The following LDLRAD2 variants were observed in gnomAD, a reference collection of about 807,000 sequenced individuals.
LDLRAD2 encodes low density lipoprotein receptor class A domain containing 2.
A neutral mutation model predicts 24.9 loss-of-function variants in LDLRAD2; 25 were observed. The ratio of observed to expected loss-of-function variants is 1.00; its 90% CI spans 0.73 to 1.40. The LOEUF (loss-of-function observed/expected upper bound fraction) is 1.40, where lower values mean the gene tolerates loss of function less well. Among genes scored for constraint, LDLRAD2 ranks in the 40% most tolerant of loss-of-function variants. LDLRAD2 has a pLI of 0.00. For synonymous variants in LDLRAD2, 182 were observed against 166.7 expected, an observed-to-expected ratio of 1.09 and a Z score of -0.71; for missense variants, 391 against 366.2, an observed-to-expected ratio of 1.07 and a Z score of -0.55.
rs778001149 is a variant in LDLRAD2, at chr1:21,814,439, G to T, written c.127G>T (p.Gly43Trp). The T allele has an allele frequency of 2.5e-6, 4 of 1,609,134 alleles. No individual in the cohort carries two copies. The highest frequency in any genetic ancestry group is 2.2e-5 in the South Asian group (2 of 90,814). Residue 43 changes from glycine to tryptophan, a missense_variant, in exon 2 of 5, where the codon GGG (glycine) becomes TGG (tryptophan). Physicochemically the swap from Gly to Trp is radical, Grantham distance 184 (BLOSUM62 -2). Transcript: ENST00000344642. Reference protein sequence around the residue: ...ELCGQTWQGDGLLLRSHAASR... With the variant: ...ELCGQTWQGDWLLLRSHAASR... ...GTGCGGGCAGACGTGGCAGGGGGAC[G>T]GGCTGCTGCTGCGCTCGCACGCCGC...
Position 21,814,471 on chromosome 1 carries a change from C to T in LDLRAD2, c.159C>T (p.Arg53=), listed in dbSNP as rs571894864. ...TGCTGCGCTCGCACGCCGCATCGCG[C>T]AGGTTCTACTTCGTGGCTCCGGACA... ...GLLLRSHAAS[R]RFYFVAPDTD... The change falls in exon 2 of 5, where the codon CGC becomes CGT. Residue 53 remains arginine (R), a synonymous_variant. Transcript: ENST00000344642. The T allele has an allele frequency of 2.5e-6, 4 of 1,612,112 alleles. No homozygotes were observed. The East Asian group carries it at 6.7e-5, about 27-fold the overall frequency.
Position 21,822,558 on chromosome 1 carries a change from GGGTGGGCGGGGCCC to G in LDLRAD2, c.*358_*371del, listed in dbSNP as rs1023218669. 1.8e-3 allele frequency: 637 copies of G among 357,620 alleles called. 4 individuals carry two copies. Among genetic ancestry groups the G allele is most frequent in the African/African-American group, 8.5e-3 (410 of 48,238 alleles). The allele number at this position is 357,620 out of a possible 1,614,324, so 22.2% of individuals were successfully genotyped here. On this transcript the variant is annotated 3_prime_UTR_variant, in exon 5 of 5. Transcript: ENST00000344642. Reference sequence around the variant, plus strand: ...TCCAGATGGGTGGGGATGTGGCCTGGGGTGGGCGGGGCCCGGTGGGCGGGGCCCTATCAGTGCTG... The same window carrying G: ...TCCAGATGGGTGGGGATGTGGCCTGGGGTGGGCGGGGCCCTATCAGTGCTG...
intron 1 of LDLRAD2, 27 bp downstream of exon 1, chr1:21,812,563 C>T: frequency 1.3e-6 from 2 of 1,594,596 alleles, no homozygotes; most frequent in East Asian, 2.2e-5. Context: ...TTGGTTGGGG[C>T]ACCCAGAAGA....
At position 21,822,361 on chromosome 1, in the gene LDLRAD2, G is replaced by A; in HGVS notation, c.*146G>A. The A allele has an allele frequency of 1.3e-6, 1 of 769,672 alleles. No homozygotes were observed. The highest frequency in any genetic ancestry group is 2.2e-6 in the Non-Finnish European group (1 of 454,718). 47.7% of individuals were successfully genotyped at this position (769,672 alleles called of 1,614,324 possible). A position where few individuals can be genotyped will look rare whatever the true frequency, so the allele number is the denominator to read the frequency against. On this transcript the variant is annotated 3_prime_UTR_variant, in exon 5 of 5. Coordinates refer to ENST00000344642, the MANE Select transcript of LDLRAD2 (RefSeq NM_001013693.3). ...CAGTCTGGGGGCCACTGGCAGGATGGCACTTGAGCTGGATCTTCAGGCTCC... is the reference window on the plus strand; with the variant it reads ...CAGTCTGGGGGCCACTGGCAGGATGACACTTGAGCTGGATCTTCAGGCTCC...
At chr1:21,816,763 C>T (rs1012886061) in intron 3 of LDLRAD2, among the ~76,000 whole-genome samples, 13 of 152,158 alleles carry the variant, frequency 8.5e-5, no homozygotes, top group Admixed American at 4.6e-4. Context: ...CCCCATCCCC[C>T]GCTCAGCCTT....
intron 1 of LDLRAD2, among the ~76,000 whole-genome samples, chr1:21,813,315 G>C (rs981543580): frequency 1.3e-5 from 2 of 151,970 alleles, no homozygotes; most frequent in Non-Finnish European, 2.9e-5. Flanking sequence ...AAAAAAAAAG[G>C]GTGCCCAATT....
At chr1:21,818,252 T>G (rs898812019) in intron 3 of LDLRAD2, among the ~76,000 whole-genome samples, 1 of 150,696 alleles carries the variant, frequency 6.6e-6, no homozygotes, top group Non-Finnish European at 1.5e-5. Context: ...CCTCAAGTGA[T>G]CCACCCGCCT....
At position 21,824,404 on chromosome 1, in the gene LDLRAD2, G is replaced by A. The variant is rs1052427636; in HGVS notation, c.*2189G>A. Reference sequence around the variant, plus strand: ...GCCAGGGAAGCACAGGGTCTCTGGGGTCCCCAGCCTGGAGAGCAGAGGCTG... The same window carrying A: ...GCCAGGGAAGCACAGGGTCTCTGGGATCCCCAGCCTGGAGAGCAGAGGCTG... On this transcript the variant is annotated 3_prime_UTR_variant, in exon 5 of 5. Coordinates refer to ENST00000344642, the MANE Select transcript of LDLRAD2 (RefSeq NM_001013693.3). This position sits in a 1 kb window ranked among gnomAD's most constrained non-coding sequence, Gnocchi z 5.9. The A allele has an allele frequency of 9.3e-6, 15 of 1,611,920 alleles. No individual in the cohort carries two copies. Among genetic ancestry groups the A allele is most frequent in the Non-Finnish European group, 1.3e-5 (15 of 1,178,588 alleles).
chr1:21,817,212 A>AC (rs1295774916), intron 3 of LDLRAD2, among the ~76,000 whole-genome samples: 2 of 151,988 alleles, frequency 1.3e-5, no homozygotes, highest in Admixed American at 6.6e-5. Flanking sequence ...CTGAGCCACC[A>AC]CCAGCTCTCG....
rs928349767 is a variant in LDLRAD2, at chr1:21,814,566, T to G, written c.254T>G (p.Leu85Arg). ...ATCCGCTTCCAGTTCCGCTTCTTCC[T>G]GGTCTACAGCCTGACCCCCGCGCCC... ...DRIRFQFRFF[L>R]VYSLTPAPPA... The change falls in exon 2 of 5, where the codon CTG becomes CGG. Residue 85 changes from leucine to arginine, a missense_variant. Transcript: ENST00000344642. 6 of 1,612,228 alleles carry G rather than the reference T, an allele frequency of 3.7e-6. No homozygotes were observed. In the African/African-American group the frequency reaches 6.7e-5, roughly 18 times the overall value.
At chr1:21,813,803 T>A (rs2097940854) in intron 1 of LDLRAD2, among the ~76,000 whole-genome samples, 1 of 151,920 alleles carries the variant, frequency 6.6e-6, no homozygotes, top group African/African-American at 2.4e-5. Context: ...GGACATCCCA[T>A]CCTCATCCTC....
Position 21,812,381 on chromosome 1 carries a change from C to T in LDLRAD2, c.-71C>T. On this transcript the variant is annotated 5_prime_UTR_variant, in exon 1 of 5. Transcript: ENST00000344642. ...TGCTGGCCTGACCAGGCCCCATACT[C>T]CAGTCTCCCCAGAGACCCCAAGCTG... 7.8e-7 allele frequency: 1 copy of T among 1,274,906 alleles called. No homozygotes were observed. The allele number at this position is 1,274,906 out of a possible 1,614,324, so 79.0% of individuals were successfully genotyped here.
chr1:21,812,468 T>C lies in LDLRAD2; in HGVS notation c.17T>C (p.Leu6Pro). The C allele has an allele frequency of 6.2e-7, 1 of 1,614,154 alleles. No individual in the cohort carries two copies. Among genetic ancestry groups the C allele is most frequent in the South Asian group, 1.1e-5 (1 of 91,068 alleles). Reference sequence around the variant, plus strand: ...AGAGCCTGGATGGAGGCTTGTTGTCTTCTGCAGTTGCCCCAAAGGTTGCTC... The same window carrying C: ...AGAGCCTGGATGGAGGCTTGTTGTCCTCTGCAGTTGCCCCAAAGGTTGCTC... MEACC[L>P]LQLPQRLLLL... Residue 6 changes from leucine (L) to proline (P), a missense_variant, in exon 1 of 5, where the codon CTT (leucine) becomes CCT (proline). Leu to Pro is a moderately conservative substitution (Grantham distance 98). Transcript: ENST00000344642.
chr1:21,814,234 C>T (rs773411147), intron 1 of LDLRAD2, among the ~76,000 whole-genome samples, 164 bp from the exon 2 acceptor site: 1 of 152,200 alleles, frequency 6.6e-6, no homozygotes, highest in Non-Finnish European at 1.5e-5. Context: ...ATCATTTAAT[C>T]CTTACAATCA....
chr1:21,823,380 G>A lies in LDLRAD2; in HGVS notation c.*1165G>A. 6.4e-7 allele frequency: 1 copy of A among 1,553,912 alleles called. No homozygotes were observed. Among genetic ancestry groups the A allele is most frequent in the South Asian group, 1.2e-5 (1 of 85,536 alleles). ...GCGGTGCTGCAGGTCCAGGGGCTGT[G>A]GGGGCGGGGCGCCGGGTCGGGCCGA... On this transcript the variant is annotated 3_prime_UTR_variant, in exon 5 of 5. Transcript: ENST00000344642.
Position 21,823,253 on chromosome 1 carries a change from T to C in LDLRAD2, c.*1038T>C. On this transcript the variant is annotated 3_prime_UTR_variant, in exon 5 of 5. Transcript: ENST00000344642. ...CAAAAATTCATAATAATATTAATAATAATATACTCGACATTGTCGGGCTGG... is the reference window on the plus strand; with the variant it reads ...CAAAAATTCATAATAATATTAATAACAATATACTCGACATTGTCGGGCTGG... 2.2e-6 allele frequency: 3 copies of C among 1,335,356 alleles called. No individual in the cohort carries two copies. Among genetic ancestry groups the C allele is most frequent in the Non-Finnish European group, 3.0e-6 (3 of 1,005,332 alleles). The allele number at this position is 1,335,356 out of a possible 1,614,324, so 82.7% of individuals were successfully genotyped here.
intron 3 of LDLRAD2, among the ~76,000 whole-genome samples, chr1:21,816,825 A>G (rs377680995): frequency 2.6e-5 from 4 of 151,892 alleles, no homozygotes; most frequent in Non-Finnish European, 4.4e-5. Context: ...GTGCCATGAG[A>G]CCCAGGTCCT....
At chr1:21,816,200 C>G in intron 3 of LDLRAD2, 126 bp downstream of exon 3, 8 of 1,320,946 alleles carry the variant, frequency 6.1e-6, no homozygotes, top group Non-Finnish European at 8.2e-6. Context: ...GTGGAATCGG[C>G]TTAGGCCAAG....
intron 1 of LDLRAD2, among the ~76,000 whole-genome samples, chr1:21,814,121 T>G (rs1451712718): frequency 1.3e-5 from 2 of 152,226 alleles, no homozygotes; most frequent in East Asian, 3.8e-4. Context: ...TCCACCTGCC[T>G]TGGCCTCCAA....
Sources: allele counts gnomAD v4.1 joint callset (sites outside exome capture counted in the v4.1 genomes callset), GRCh38; gene constraint gnomAD v4.1.1; non-coding constraint Gnocchi (gnomAD v3.1); transcripts MANE v1.5; gene names NCBI Gene and HGNC (gene_info 2026-07-23, HGNC 2026-07-21).